The following PCDH15 variants were observed in gnomAD, a reference collection of about 807,000 sequenced individuals.
PCDH15 encodes the protein protocadherin related 15.
A neutral mutation model predicts 178.5 loss-of-function variants in PCDH15; 129 were observed. The ratio of observed to expected loss-of-function variants is 0.72; its 90% confidence interval spans 0.63 to 0.84. The LOEUF is 0.84. Among genes scored for constraint, PCDH15 ranks in the 40% least tolerant of loss-of-function variants. The pLI is 0.00. For synonymous variants in PCDH15, 800 were observed against 732.0 expected (o/e 1.09, Z -1.50); for missense variants, 2,230 against 2,099.9 (o/e 1.06, Z -1.21).
chr10:54,437,969 C>T (rs1267638273), intron 3 of PCDH15, among the ~76,000 whole-genome samples: 1 of 152,146 alleles, frequency 6.6e-6, no homozygotes, highest in Non-Finnish European at 1.5e-5. Context: ...CAATCTCCAG[C>T]TATCTAGCAA....
At chr10:54,562,145 C>CA (rs1384859618) in intron 2 of PCDH15, among the ~76,000 whole-genome samples, 2 of 151,796 alleles carry the variant, frequency 1.3e-5, no homozygotes, top group East Asian at 3.9e-4. Flanking sequence ...CGCCTACCAC[C>CA]ACACCCAGCT....
At chr10:55,455,626 G>A (rs1214276296) in intron 2 of PCDH15, among the ~76,000 whole-genome samples, 1 of 151,824 alleles carries the variant, frequency 6.6e-6, no homozygotes, top group Non-Finnish European at 1.5e-5. Context: ...AGGTGAATAA[G>A]TATTTTTGCT....
At chr10:54,795,966 T>A (rs1319846590) in intron 1 of PCDH15, among the ~76,000 whole-genome samples, 1 of 151,876 alleles carries the variant, frequency 6.6e-6, no homozygotes, top group Admixed American at 6.6e-5. Context: ...GTATGTGAAT[T>A]ACATCCTTTT....
intron 25 of PCDH15, among the ~76,000 whole-genome samples, chr10:53,924,499 A>G (rs1367689425): frequency 6.6e-6 from 1 of 150,844 alleles, no homozygotes; most frequent in Non-Finnish European, 1.5e-5. Context: ...AGCCTCCCCA[A>G]CGAGCACCAC....
intron 2 of PCDH15, among the ~76,000 whole-genome samples, chr10:54,919,778 C>T (rs1453555671): frequency 6.6e-6 from 1 of 152,122 alleles, no homozygotes; most frequent in Non-Finnish European, 1.5e-5. Context: ...ACATTACTTT[C>T]ATATGAAATA....
intron 5 of PCDH15, among the ~76,000 whole-genome samples, chr10:54,363,987 C>A (rs1297444008): frequency 6.6e-6 from 1 of 151,728 alleles, no homozygotes; most frequent in Non-Finnish European, 1.5e-5. Flanking sequence ...CTGAGGCAGG[C>A]GGATCACCTG....
intron 4 of PCDH15, among the ~76,000 whole-genome samples, chr10:54,371,206 G>A (rs1362163567): frequency 2.0e-5 from 3 of 151,618 alleles, no homozygotes; most frequent in African/African-American, 7.3e-5. Flanking sequence ...CCTCCAATTT[G>A]TAATAGAAAA....
At chr10:55,043,489 A>G (rs1035153892) in intron 2 of PCDH15, among the ~76,000 whole-genome samples, 1 of 151,952 alleles carries the variant, frequency 6.6e-6, no homozygotes, top group Non-Finnish European at 1.5e-5. Context: ...CAGGAGGATT[A>G]CTTGAGCCCA....
At chr10:54,415,437 A>G (rs949907826) in intron 3 of PCDH15, among the ~76,000 whole-genome samples, 18 of 152,070 alleles carry the variant, frequency 1.2e-4, no homozygotes, top group African/African-American at 2.4e-5. Context: ...GTACTAAAGT[A>G]AGTAACAAGA....
At chr10:55,256,519 C>T (rs1182068658) in intron 1 of PCDH15, among the ~76,000 whole-genome samples, 1 of 152,192 alleles carries the variant, frequency 6.6e-6, no homozygotes, top group Non-Finnish European at 1.5e-5. Context: ...TCGGGTCACT[C>T]CCACCCTAAT....
chr10:54,713,102 C>T (rs2095442610), intron 1 of PCDH15, among the ~76,000 whole-genome samples: 1 of 151,924 alleles, frequency 6.6e-6, no homozygotes, highest in African/African-American at 2.4e-5. Flanking sequence ...CCTTCAATGC[C>T]TTGGCATAAA....
chr10:53,935,205 G>A (rs905323735), intron 25 of PCDH15, among the ~76,000 whole-genome samples: 1 of 152,160 alleles, frequency 6.6e-6, no homozygotes, highest in Non-Finnish European at 1.5e-5. Flanking sequence ...AAGTTATCCA[G>A]TCAAATTGGT....
intron 3 of PCDH15, among the ~76,000 whole-genome samples, chr10:54,819,578 G>C (rs1200187591): frequency 1.3e-5 from 2 of 151,838 alleles, no homozygotes; most frequent in Non-Finnish European, 2.9e-5. Context: ...TCATTAGGAA[G>C]GTGTATGAAT....
chr10:55,587,281 A>C (rs112587598), intron 2 of PCDH15, among the ~76,000 whole-genome samples: 2,157 of 152,274 alleles, frequency 0.014, 58 homozygotes, highest in African/African-American at 0.05. Context: ...TGATTTGTCA[A>C]GCAAATTCTT....
intron 1 of PCDH15, among the ~76,000 whole-genome samples, chr10:54,782,955 C>A (rs751728979): frequency 6.6e-6 from 1 of 152,080 alleles, no homozygotes; most frequent in African/African-American, 2.4e-5. Flanking sequence ...CAAACCAACA[C>A]TCTAGGACAC....
intron 2 of PCDH15, among the ~76,000 whole-genome samples, chr10:55,479,813 A>G: frequency 6.6e-6 from 1 of 151,706 alleles, no homozygotes; most frequent in Non-Finnish European, 1.5e-5. Flanking sequence ...CAGTAAAGTT[A>G]CAGGATACAA....
rs1491511066 is a variant in PCDH15 at position 54,442,414 on chromosome 10, C to CTTTTTATA, written c.158-63473_158-63472insTATAAAAA. Among the ~76,000 whole-genome samples the CTTTTTATA allele has an allele frequency of 4.4e-3, 85 of 19,178 alleles. 1 individual carries two copies. Among genetic ancestry groups the CTTTTTATA allele is most frequent in the African/African-American group, 0.016 (79 of 4,916 alleles). The allele number at this position is 19,178 out of a possible 152,430, so 12.6% of individuals were successfully genotyped here. A position where few individuals can be genotyped will look rare whatever the true frequency, so the allele number is the denominator to read the frequency against. On this transcript the variant is annotated intron_variant, in intron 3 of 37. Coordinates refer to ENST00000644397, the MANE Select transcript of PCDH15 (RefSeq NM_001384140.1). ...TTAAAAAAAAAAAAGGCCTTAAAGG[C>CTTTTTATA]TATATATATATATATATATATATAT...
At chr10:53,973,147 T>C (rs947648041) in intron 21 of PCDH15, among the ~76,000 whole-genome samples, 2 of 151,986 alleles carry the variant, frequency 1.3e-5, no homozygotes, top group South Asian at 4.2e-4. Flanking sequence ...TGTAGGGACA[T>C]GGATGAAGCT....
intron 1 of PCDH15, among the ~76,000 whole-genome samples, chr10:55,300,532 C>A (rs554311310): frequency 6.6e-6 from 1 of 152,012 alleles, no homozygotes; most frequent in African/African-American, 2.4e-5. Context: ...AGGAAACTCT[C>A]GTTAACAAAA....
Sources: allele counts gnomAD v4.1 joint callset (sites outside exome capture counted in the v4.1 genomes callset), GRCh38; gene constraint gnomAD v4.1.1; transcripts MANE v1.5; gene names NCBI Gene and HGNC (gene_info 2026-07-23, HGNC 2026-07-21).